Variants in CENPN observed in about 807,000 individuals in gnomAD.
CENPN encodes centromere protein N, also known as interphase centromere complex protein 32.
A neutral mutation model predicts 48.6 loss-of-function variants in CENPN; 36 were observed. That is an observed-to-expected ratio of 0.74 (90% CI 0.57 to 0.98). The LOEUF (loss-of-function observed/expected upper bound fraction) is 0.98. CENPN is among the 50% of genes least tolerant of loss of function. The pLI, the probability that CENPN is intolerant of heterozygous loss-of-function variation, is 0.00. For missense variants in CENPN, 439 were observed against 399.2 expected (o/e 1.10, Z -0.85); for synonymous variants, 166 against 135.2 (o/e 1.23, Z -1.58).
chr16:81,019,296 A>G (rs2151689594), intron 5 of CENPN, among the ~76,000 whole-genome samples: 1 of 151,376 alleles, frequency 6.6e-6, no homozygotes, highest in East Asian at 1.9e-4. Context: ...GGCTCACTAT[A>G]GTCTAGACCT....
At chr16:81,020,299 C>G (rs1162131806) in intron 6 of CENPN, 23 bp downstream of exon 6, 1 of 1,598,456 alleles carries the variant, frequency 6.3e-7, no homozygotes, top group South Asian at 1.1e-5. Context: ...TTATTACAAG[C>G]TATAATATTT....
intron 3 of CENPN, among the ~76,000 whole-genome samples, chr16:81,014,647 C>G (rs1422354321): frequency 6.6e-6 from 1 of 152,110 alleles, no homozygotes. Flanking sequence ...CCTCAGACTT[C>G]AAGCAGAGAT....
chr16:81,024,821 A>G, intron 8 of CENPN, 43 bp downstream of exon 8: 1 of 1,251,676 alleles, frequency 8.0e-7, no homozygotes, highest in Non-Finnish European at 1.2e-6. Context: ...GAAATGCATC[A>G]TTCCCTTATA....
At position 81,028,227 on chromosome 16, in the gene CENPN, A is replaced by T. The variant is rs752380007; in HGVS notation, c.867A>T (p.Glu289Asp). 1 of 1,613,302 alleles carries T rather than the reference A, an allele frequency of 6.2e-7. No individual in the cohort carries two copies. The highest frequency in any genetic ancestry group is 1.7e-5 in the Admixed American group (1 of 60,012). ...LNGSILAEREEPLRCLIKFSS... is the reference protein window; with the variant it reads ...LNGSILAEREDPLRCLIKFSS... ...GGAGCATCTTGGCTGAGAGGGAAGA[A>T]CCCCTCCGATGCCTAATAAAGTTCT... Residue 289 changes from glutamate to aspartate, a missense_variant, in exon 10 of 11, where the codon GAA (glutamate) becomes GAT (aspartate). By Grantham distance (45) the Glu-to-Asp change is conservative (BLOSUM62 2). Transcript: ENST00000305850.
chr16:81,018,726 G>A (rs981092839), intron 5 of CENPN, among the ~76,000 whole-genome samples: 4 of 152,172 alleles, frequency 2.6e-5, no homozygotes, highest in African/African-American at 4.8e-5. Context: ...GCTGTGTGCC[G>A]CCATACCCTG....
At chr16:81,032,936 C>A, downstream of CENPN, 1 of 341,238 alleles carries the variant, frequency 2.9e-6, no homozygotes, top group Non-Finnish European at 5.3e-6. Context: ...TAATCTGTGG[C>A]CAACCAACCA....
chr16:81,008,854 C>T (rs1164220359), intron 1 of CENPN, among the ~76,000 whole-genome samples: 1 of 152,210 alleles, frequency 6.6e-6, no homozygotes, highest in Admixed American at 6.5e-5. Context: ...TGCCCTGGAG[C>T]TCAATTTTAG....
intron 2 of CENPN, among the ~76,000 whole-genome samples, chr16:81,012,341 C>A (rs1000359233): frequency 1.3e-5 from 2 of 152,090 alleles, no homozygotes; most frequent in African/African-American, 4.8e-5. Flanking sequence ...GTAGAAAAAA[C>A]AGTACAAATT....
intron 7 of CENPN, 28 bp downstream of exon 7, chr16:81,022,726 G>A: frequency 6.2e-7 from 1 of 1,613,954 alleles, no homozygotes; most frequent in Non-Finnish European, 8.5e-7. Context: ...TCTCTTTAAA[G>A]GTAAATCTTT....
rs1393689333 is a variant in CENPN, at chr16:81,028,696, C to T, written c.*45C>T. The stretch of plus-strand genomic sequence containing the variant: ...GCACAGCTCCTCCTTCTTGATATTG[C>T]ACATGCACTTCAGTTCATGGCTAGC... On this transcript the variant is annotated 3_prime_UTR_variant, in exon 11 of 11. Coordinates refer to ENST00000305850, the MANE Select transcript of CENPN (RefSeq NM_001100624.3). 9.4e-6 allele frequency: 15 copies of T among 1,588,934 alleles called. No homozygotes were observed. The highest frequency in any genetic ancestry group is 1.3e-5 in the Non-Finnish European group (15 of 1,172,390).
intron 7 of CENPN, chr16:81,023,883 A>C (rs1970333580): frequency 6.6e-6 from 1 of 152,244 alleles, no homozygotes; most frequent in African/African-American, 2.4e-5. Flanking sequence ...GATCAAGACC[A>C]TCCTTGCTAA....
intron 8 of CENPN, among the ~76,000 whole-genome samples, chr16:81,025,673 T>C (rs191823633): frequency 6.8e-5 from 10 of 146,042 alleles, no homozygotes; most frequent in Admixed American, 4.8e-4. Flanking sequence ...CTGGGCAACA[T>C]AGTGAGACCC....
downstream of CENPN, chr16:81,032,706 C>G: frequency 6.3e-7 from 1 of 1,597,294 alleles, no homozygotes; most frequent in Non-Finnish European, 8.5e-7. Context: ...ATCATGATGT[C>G]ACAACATTTA....
At position 81,026,631 on chromosome 16, in the gene CENPN, A is replaced by G. The variant is rs576171678; in HGVS notation, c.803A>G (p.Gln268Arg). Residue 268 changes from glutamine (Q) to arginine (R), a missense_variant, in exon 9 of 11, where the codon CAA becomes CGA. Coordinates refer to ENST00000305850, the MANE Select transcript of CENPN (RefSeq NM_001100624.3). ...CCTCAACCACAACTAGAATTTGCAC[A>G]ATATAAGGTAAGATGTCGTAATAAA... ...DYPQPQLEFAQYKLETKFKSG... is the reference protein window; with the variant it reads ...DYPQPQLEFARYKLETKFKSG... The G allele has an allele frequency of 1.1e-5, 17 of 1,519,078 alleles. No homozygotes were observed. Among genetic ancestry groups the G allele is most frequent in the Non-Finnish European group, 1.5e-5 (17 of 1,100,482 alleles). 94.1% of individuals were successfully genotyped at this position (1,519,078 alleles called of 1,614,324 possible).
At chr16:81,020,691 T>A (rs1434457744) in intron 6 of CENPN, among the ~76,000 whole-genome samples, 1 of 152,206 alleles carries the variant, frequency 6.6e-6, no homozygotes, top group Non-Finnish European at 1.5e-5. Flanking sequence ...CAGAAGTCTC[T>A]AAAGATAAAA....
intron 1 of CENPN, among the ~76,000 whole-genome samples, chr16:81,010,173 G>T (rs953455738): frequency 2.0e-5 from 3 of 152,180 alleles, no homozygotes; most frequent in Admixed American, 2.0e-4. Context: ...ACTCCAGCCC[G>T]GGCGACAGAG....
In CENPN at chr16:81,029,384, CCTTT is replaced by C. The variant is rs1389783606; in HGVS notation, c.*736_*739del. Reference sequence around the variant, plus strand: ...TACCCTATCTTTTTAAAAATTTTTTCCTTTCTAATTTTTTATTTCTTTATTTATT... The same window carrying C: ...TACCCTATCTTTTTAAAAATTTTTTCCTAATTTTTTATTTCTTTATTTATT... On this transcript the variant is annotated 3_prime_UTR_variant, in exon 11 of 11. Transcript: ENST00000305850. 3 of 800,256 alleles carry C rather than the reference CCTTT, an allele frequency of 3.7e-6. No homozygotes were observed. Among genetic ancestry groups the C allele is most frequent in the Non-Finnish European group, 4.5e-6 (3 of 661,494 alleles). The allele number at this position is 800,256 out of a possible 1,614,324, so 49.6% of individuals were successfully genotyped here. A position where few individuals can be genotyped will look rare whatever the true frequency, so the allele number is the denominator to read the frequency against.
chr16:81,032,598 C>T, downstream of CENPN: 3 of 1,611,778 alleles, frequency 1.9e-6, no homozygotes, highest in South Asian at 2.2e-5. Context: ...AAAAGCTGCT[C>T]TGCTATTCTG....
Position 81,030,442 on chromosome 16 carries a change from G to A in CENPN, c.*1791G>A. 1 of 979,582 alleles carries A rather than the reference G, an allele frequency of 1.0e-6. No homozygotes were observed. Among genetic ancestry groups the A allele is most frequent in the Non-Finnish European group, 1.2e-6 (1 of 824,674 alleles). The allele number at this position is 979,582 out of a possible 1,614,324, so 60.7% of individuals were successfully genotyped here. A position where few individuals can be genotyped will look rare whatever the true frequency, so the allele number is the denominator to read the frequency against. ...CACACATTAAGCAAGTGTGAAACATGATATAGAAAAATGACTTCACTCTGG... is the reference window on the plus strand; with the variant it reads ...CACACATTAAGCAAGTGTGAAACATAATATAGAAAAATGACTTCACTCTGG... On this transcript the variant is annotated 3_prime_UTR_variant, in exon 11 of 11. Transcript: ENST00000305850.
Sources: allele counts gnomAD v4.1 joint callset (sites outside exome capture counted in the v4.1 genomes callset), GRCh38; gene constraint gnomAD v4.1.1; transcripts MANE v1.5; gene names NCBI Gene and HGNC (gene_info 2026-07-23, HGNC 2026-07-21).